The following MKLN1 variants were observed in gnomAD, a reference collection of about 807,000 sequenced individuals.
MKLN1 encodes muskelin.
In MKLN1, 18 loss-of-function variants were observed where a neutral mutation model predicts 99.0. That is an observed-to-expected ratio of 0.18 (90% CI 0.13 to 0.27). The LOEUF (loss-of-function observed/expected upper bound fraction) is 0.27. Among genes scored for constraint, MKLN1 ranks in the 10% least tolerant of loss-of-function variants. MKLN1 has a pLI of 1.00. For synonymous variants in MKLN1, 288 were observed against 293.2 expected (o/e 0.98, Z 0.18); for missense variants, 621 against 875.9 (o/e 0.71, Z 3.67).
intron 2 of MKLN1, among the ~76,000 whole-genome samples, chr7:131,188,697 T>G (rs1470259793): frequency 6.6e-6 from 1 of 152,140 alleles, no homozygotes; most frequent in Non-Finnish European, 1.5e-5. Flanking sequence ...CAGCTCTTGA[T>G]GGGAGGAGCT....
chr7:131,444,187 T>C (rs1234558102), intron 11 of MKLN1, among the ~76,000 whole-genome samples: 1 of 151,866 alleles, frequency 6.6e-6, no homozygotes, highest in Non-Finnish European at 1.5e-5. Context: ...CCATCCCCAG[T>C]AAAAATACAA....
intron 3 of MKLN1, among the ~76,000 whole-genome samples, chr7:131,270,422 T>C (rs1466848650): frequency 6.6e-6 from 1 of 152,220 alleles, no homozygotes; most frequent in African/African-American, 2.4e-5. Context: ...GGTTTCACCA[T>C]GTTGGCCAGG....
chr7:131,413,952 A>G (rs1003751936), intron 7 of MKLN1, among the ~76,000 whole-genome samples: 1 of 152,248 alleles, frequency 6.6e-6, no homozygotes, highest in African/African-American at 2.4e-5. Context: ...AAACCTGCCT[A>G]TTAAGCTCTG....
chr7:131,196,963 A>G (rs1012719281), intron 2 of MKLN1, among the ~76,000 whole-genome samples: 8 of 152,140 alleles, frequency 5.3e-5, no homozygotes, highest in African/African-American at 2.4e-5. Flanking sequence ...GACAAGTCTC[A>G]TTAGCTGGAG....
chr7:131,356,446 C>G (rs550814954), intron 1 of MKLN1, among the ~76,000 whole-genome samples: 14 of 152,232 alleles, frequency 9.2e-5, no homozygotes, highest in East Asian at 7.7e-4. Flanking sequence ...ATTTCCCCCC[C>G]CAAGAGTCCA....
At chr7:131,267,973 GT>G (rs1006648196) in intron 3 of MKLN1, among the ~76,000 whole-genome samples, 21 of 151,920 alleles carry the variant, frequency 1.4e-4, no homozygotes, top group Non-Finnish European at 2.6e-4. Flanking sequence ...TTTCTTACCA[GT>G]TTTTTTTCTT....
chr7:131,489,632 G>A lies in MKLN1; in HGVS notation c.*1904G>A, dbSNP rs575867985. The A allele has an allele frequency of 8.5e-5, 13 of 152,262 alleles. No individual in the cohort carries two copies. The South Asian group carries it at 2.5e-3, about 29-fold the overall frequency. The allele number at this position is 152,262 out of a possible 1,614,324, so 9.4% of individuals were successfully genotyped here. ...AATTTAAAAGCTCTAGTTTTGCTTAGTGTGAATTCTGGCACTTTAAAAAGA... is the reference window on the plus strand; with the variant it reads ...AATTTAAAAGCTCTAGTTTTGCTTAATGTGAATTCTGGCACTTTAAAAAGA... On this transcript the variant is annotated 3_prime_UTR_variant, in exon 18 of 18. Transcript: ENST00000352689.
At chr7:131,134,479 C>G (rs1044140967) in intron 1 of MKLN1, among the ~76,000 whole-genome samples, 1 of 152,178 alleles carries the variant, frequency 6.6e-6, no homozygotes, top group African/African-American at 2.4e-5. Context: ...CCAGACCTCT[C>G]TCCTGATCTG....
intron 2 of MKLN1, among the ~76,000 whole-genome samples, chr7:131,195,221 G>A (rs1052141182): frequency 6.6e-6 from 1 of 152,060 alleles, no homozygotes; most frequent in African/African-American, 2.4e-5. Flanking sequence ...TAAAATATGT[G>A]GACAGTGGGC....
intron 1 of MKLN1, among the ~76,000 whole-genome samples, chr7:131,120,550 AAAAAAAAAAAAAAAAG>A (rs1168759910): frequency 7.1e-6 from 1 of 140,292 alleles, no homozygotes; most frequent in African/African-American, 3.0e-5. Context: ...CTCCCTCTCA[AAAAAAAAAAAAAAAAG>A]AAAAAAGAAA....
intron 3 of MKLN1, among the ~76,000 whole-genome samples, chr7:131,267,600 C>G (rs146400167): frequency 1.3e-5 from 2 of 152,246 alleles, no homozygotes; most frequent in African/African-American, 2.4e-5. Flanking sequence ...GAGAGTTGAC[C>G]AGTAGATTCC....
intron 1 of MKLN1, among the ~76,000 whole-genome samples, chr7:131,137,888 A>G (rs1795673216): frequency 7.0e-6 from 1 of 143,000 alleles, no homozygotes; most frequent in African/African-American, 2.6e-5. Context: ...ACACATGAAC[A>G]TTTTGGTCCT....
intron 2 of MKLN1, among the ~76,000 whole-genome samples, chr7:131,386,796 T>C (rs1453540753): frequency 2.0e-5 from 3 of 152,232 alleles, no homozygotes; most frequent in African/African-American, 7.2e-5. Context: ...TCTTGTTTTA[T>C]TTGGTTTTGC....
At chr7:131,178,306 T>A (rs1796330364) in intron 2 of MKLN1, among the ~76,000 whole-genome samples, 1 of 123,724 alleles carries the variant, frequency 8.1e-6, no homozygotes, top group South Asian at 2.9e-4. Flanking sequence ...TTTTTTTTTT[T>A]TTGTATTTTT....
chr7:131,113,681 A>AG (rs1795230840), intron 1 of MKLN1, among the ~76,000 whole-genome samples: 2 of 151,410 alleles, frequency 1.3e-5, no homozygotes, highest in African/African-American at 4.9e-5. Context: ...AAAAAAAAAA[A>AG]AAAAAATTAG....
rs1312186275 is a variant in MKLN1 at position 131,489,221 on chromosome 7, A to G, written c.*1493A>G. 1.3e-5 allele frequency: 2 copies of G among 152,132 alleles called. No individual in the cohort carries two copies. The highest frequency in any genetic ancestry group is 4.8e-5 in the African/African-American group (2 of 41,450). The allele number at this position is 152,132 out of a possible 1,614,324, so 9.4% of individuals were successfully genotyped here. On this transcript the variant is annotated 3_prime_UTR_variant, in exon 18 of 18. Coordinates refer to ENST00000352689, the MANE Select transcript of MKLN1 (RefSeq NM_013255.5). Reference sequence around the variant, plus strand: ...TCCCACTTTATTCTGTCTTTAGTACATGGTTTTACTTATTTTGGGGATGGA... The same window carrying G: ...TCCCACTTTATTCTGTCTTTAGTACGTGGTTTTACTTATTTTGGGGATGGA...
intron 3 of MKLN1, among the ~76,000 whole-genome samples, chr7:131,237,628 T>C (rs1028737809): frequency 6.6e-6 from 1 of 152,284 alleles, no homozygotes; most frequent in Middle Eastern, 3.4e-3. Context: ...GGGCAATTGG[T>C]CCATCAAGGG....
At chr7:131,376,639 T>TC (rs1283783486) in intron 2 of MKLN1, among the ~76,000 whole-genome samples, 1 of 137,888 alleles carries the variant, frequency 7.3e-6, no homozygotes, top group Non-Finnish European at 1.6e-5. Flanking sequence ...AGACTCTGTC[T>TC]CAAAAAAAAA....
At chr7:131,183,005 T>C (rs1055452288) in intron 2 of MKLN1, among the ~76,000 whole-genome samples, 18 of 152,330 alleles carry the variant, frequency 1.2e-4, no homozygotes, top group Non-Finnish European at 1.8e-4. Flanking sequence ...AATTATGAGA[T>C]GAAATGCACT....
Sources: allele counts gnomAD v4.1 joint callset (sites outside exome capture counted in the v4.1 genomes callset), GRCh38; gene constraint gnomAD v4.1.1; transcripts MANE v1.5; gene names NCBI Gene and HGNC (gene_info 2026-07-23, HGNC 2026-07-21).